Variants in KLF3 observed in about 807,000 individuals in gnomAD.
The protein encoded by KLF3 is Krueppel-like factor 3.
A neutral mutation model predicts 32.7 loss-of-function variants in KLF3; 6 were observed. The ratio of observed to expected loss-of-function variants is 0.18; its 90% CI spans 0.10 to 0.36. KLF3 has a LOEUF of 0.36. KLF3 is among the 10% of genes least tolerant of loss of function. The pLI, the probability that KLF3 is intolerant of heterozygous loss-of-function variation, is 1.00. For missense variants in KLF3, 338 were observed against 449.7 expected, an observed-to-expected ratio of 0.75 and a Z score of 2.25; for synonymous variants, 145 against 172.8, an observed-to-expected ratio of 0.84 and a Z score of 1.26.
At chr4:38,669,893 CAAAAAAAAAAAA>C (rs60339860) in intron 1 of KLF3, among the ~76,000 whole-genome samples, 20 of 41,180 alleles carry the variant, frequency 4.9e-4, no homozygotes, top group South Asian at 1.5e-3. Flanking sequence ...GACTCTGTCT[CAAAAAAAAAAAA>C]AAAAAAAAAA....
chr4:38,668,098 T>C (rs868839838), intron 1 of KLF3, among the ~76,000 whole-genome samples: 6 of 152,254 alleles, frequency 3.9e-5, no homozygotes, highest in African/African-American at 1.4e-4. Context: ...TGGAAAATTT[T>C]AATCTTCTAT....
intron 2 of KLF3, among the ~76,000 whole-genome samples, chr4:38,681,345 A>G (rs1450640223): frequency 1.3e-5 from 2 of 152,220 alleles, no homozygotes; most frequent in African/African-American, 4.8e-5. Context: ...TTAAAAACCA[A>G]TGACAACAGC....
At position 38,688,761 on chromosome 4, in the gene KLF3, G is replaced by A. The variant is rs754796742; in HGVS notation, c.234G>A (p.Ser78=). 20 of 1,614,144 alleles carry A rather than the reference G, an allele frequency of 1.2e-5. No individual in the cohort carries two copies. The Admixed American group carries it at 1.8e-4, about 15-fold the overall frequency. The part of the protein sequence containing the change: ...KRSSPPSAGN[S]PSSLKFPSSH... ...GTTCACCCCCTTCGGCTGGGAATTCGCCCTCCTCTCTGAAGTTCCCGTCCT... is the reference window on the plus strand; with the variant it reads ...GTTCACCCCCTTCGGCTGGGAATTCACCCTCCTCTCTGAAGTTCCCGTCCT... Residue 78 remains serine, a synonymous_variant, in exon 3 of 6, where the codon TCG becomes TCA. Coordinates refer to ENST00000261438, the MANE Select transcript of KLF3 (RefSeq NM_016531.6). This position sits in a 1 kb window ranked among gnomAD's most constrained non-coding sequence, Gnocchi z 4.9.
At chr4:38,679,237 G>A (rs1246872049) in intron 1 of KLF3, among the ~76,000 whole-genome samples, 1 of 152,174 alleles carries the variant, frequency 6.6e-6, no homozygotes, top group Admixed American at 6.5e-5. Context: ...GGTGGAGGCT[G>A]TCAAGCCCTA....
intron 2 of KLF3, among the ~76,000 whole-genome samples, chr4:38,687,032 T>A (rs183321049): frequency 2.3e-4 from 35 of 152,260 alleles, no homozygotes; most frequent in African/African-American, 7.9e-4. Context: ...TAACTCACAA[T>A]AGTGGCCACC....
chr4:38,685,267 C>T (rs370910358), intron 2 of KLF3, among the ~76,000 whole-genome samples: 75 of 152,288 alleles, frequency 4.9e-4, no homozygotes, highest in African/African-American at 1.7e-3. Flanking sequence ...GCTTGAGGGA[C>T]CACATGTCTT....
rs114311199 is a variant in KLF3 at position 38,680,679 on chromosome 4, A to G, written c.54A>G (p.Ser18=). Residue 18 remains serine, a synonymous_variant, in exon 2 of 6, where the codon TCA becomes TCG. Coordinates refer to ENST00000261438, the MANE Select transcript of KLF3 (RefSeq NM_016531.6). ...AGCAAGAGGCCATGGACCCTGTCTCAGTGGTAAGTTTTCCAAGATTGAACA... is the reference window on the plus strand; with the variant it reads ...AGCAAGAGGCCATGGACCCTGTCTCGGTGGTAAGTTTTCCAAGATTGAACA... ...PVKQEAMDPV[S]VSYPSNYMES... is the part of the protein sequence containing the mutation. 2.0e-4 allele frequency: 317 copies of G among 1,611,194 alleles called. No individual in the cohort carries two copies. In the African/African-American group the frequency reaches 3.4e-3, roughly 17 times the overall value.
At chr4:38,681,541 C>T (rs914329043) in intron 2 of KLF3, among the ~76,000 whole-genome samples, 4 of 152,266 alleles carry the variant, frequency 2.6e-5, no homozygotes, top group Non-Finnish European at 2.9e-5. Context: ...GCTTTTAGGC[C>T]GCCAGGGACT....
chr4:38,693,114 A>ATG (rs1553894845), intron 4 of KLF3, among the ~76,000 whole-genome samples: 1 of 47,446 alleles, frequency 2.1e-5, no homozygotes, highest in African/African-American at 8.1e-5. Flanking sequence ...GTACATATAT[A>ATG]TACATATATA....
chr4:38,696,397 T>C (rs1475726968), intron 5 of KLF3, among the ~76,000 whole-genome samples: 1 of 152,134 alleles, frequency 6.6e-6, no homozygotes, highest in African/African-American at 2.4e-5. Context: ...AACAGCCTTT[T>C]TATTTGTGAG....
At position 38,680,550 on chromosome 4, in the gene KLF3, C is replaced by A. The variant is rs554346648; in HGVS notation, c.-39-37C>A. 29 of 1,086,856 alleles carry A rather than the reference C, an allele frequency of 2.7e-5. No individual in the cohort carries two copies. The African/African-American group carries it at 4.1e-4, about 15-fold the overall frequency. 67.3% of individuals were successfully genotyped at this position (1,086,856 alleles called of 1,614,324 possible). On this transcript the variant is annotated intron_variant, in intron 1 of 5. Transcript: ENST00000261438. ...TTTACTAGTTTGTATTTAAAGTAAC[C>A]TTGAGACTTAGATGGATACCTTGTT...
chr4:38,670,304 C>A (rs748989652), intron 1 of KLF3, among the ~76,000 whole-genome samples: 1 of 152,186 alleles, frequency 6.6e-6, no homozygotes. Flanking sequence ...TAGTCTGGGA[C>A]ATCCTCAGGA....
intron 1 of KLF3, among the ~76,000 whole-genome samples, chr4:38,679,648 T>G (rs745963096): frequency 6.6e-6 from 1 of 152,126 alleles, no homozygotes; most frequent in Non-Finnish European, 1.5e-5. Flanking sequence ...GAGGAAGAAG[T>G]TAAGTAAACT....
intron 5 of KLF3, among the ~76,000 whole-genome samples, chr4:38,695,857 G>A (rs1020035656): frequency 4.6e-5 from 7 of 152,184 alleles, no homozygotes; most frequent in African/African-American, 1.7e-4. Flanking sequence ...CCTTAGCAGT[G>A]TAGGTTGCTT....
rs769802252 is a variant in KLF3 at position 38,694,781 on chromosome 4, G to A, written c.731G>A (p.Arg244Lys). The A allele has an allele frequency of 1.0e-5, 16 of 1,598,406 alleles. No homozygotes were observed. Residue 244 changes from arginine (R) to lysine (K), a missense_variant, in exon 5 of 6, where the codon AGA becomes AAA. By Grantham distance (26) the Arg-to-Lys change is conservative. Transcript: ENST00000261438. ...TCGGTCATCGTGCAGCCTGGGAAGA[G>A]ACCTTTACCTGTGGAATCCCCGGAT... ...HPSVIVQPGK[R>K]PLPVESPDTQ...
chr4:38,684,108 G>A (rs559285925), intron 2 of KLF3, among the ~76,000 whole-genome samples: 7 of 152,172 alleles, frequency 4.6e-5, no homozygotes, highest in South Asian at 2.1e-4. Context: ...CCATGTTTCC[G>A]TCATTCCGTC....
intron 1 of KLF3, among the ~76,000 whole-genome samples, chr4:38,672,953 G>A (rs1032857361): frequency 3.3e-5 from 5 of 152,198 alleles, no homozygotes; most frequent in South Asian, 2.1e-4. Context: ...AATGGGAGGC[G>A]GGGAGGGGGC....
At chr4:38,693,234 C>T (rs1722938736) in intron 4 of KLF3, among the ~76,000 whole-genome samples, 1 of 150,072 alleles carries the variant, frequency 6.7e-6, no homozygotes, top group Non-Finnish European at 1.5e-5. Context: ...TAAACTTGGC[C>T]TATTTTATCC....
chr4:38,688,943 C>G lies in KLF3; in HGVS notation c.416C>G (p.Pro139Arg). The G allele has an allele frequency of 1.2e-6, 2 of 1,614,242 alleles. No individual in the cohort carries two copies. The highest frequency in any genetic ancestry group is 1.7e-6 in the Non-Finnish European group (2 of 1,180,040). ...AALSRHGIRS[P>R]GILPVIQPVV... is the part of the protein sequence containing the mutation. ...CTCTCGCGGCATGGAATACGGAGCC[C>G]GGGGATCCTGCCCGTCATCCAGCCG... Residue 139 changes from proline to arginine, a missense_variant, in exon 3 of 6, where the codon CCG becomes CGG. By Grantham distance (103) the Pro-to-Arg change is moderately radical. Coordinates refer to ENST00000261438, the MANE Select transcript of KLF3 (RefSeq NM_016531.6). The surrounding 1 kb of genome is among the most constrained non-coding windows in gnomAD (Gnocchi z 4.9).
Sources: gnomAD v4.1 joint callset for allele counts (sites outside exome capture counted in the v4.1 genomes callset) on GRCh38, gnomAD v4.1.1 for gene constraint, Gnocchi (gnomAD v3.1) non-coding constraint, MANE v1.5 for transcripts, NCBI Gene and HGNC (gene_info 2026-07-23, HGNC 2026-07-21) for gene names.